Variants in CA10 observed in about 807,000 individuals in gnomAD.
CA10 encodes carbonic anhydrase-related protein 10.
In CA10, 14 loss-of-function variants were observed where a neutral mutation model predicts 44.2. That is an observed-to-expected ratio of 0.32 (90% confidence interval 0.21 to 0.50). The LOEUF (loss-of-function observed/expected upper bound fraction) is 0.50. CA10 is among the 20% of genes least tolerant of loss of function. CA10 has a pLI of 0.99. For synonymous variants in CA10, 159 were observed against 141.6 expected (o/e 1.12, Z -0.87); for missense variants, 350 against 409.7 (o/e 0.85, Z 1.26).
At chr17:51,790,472 A>G (rs1487406760) in intron 3 of CA10, among the ~76,000 whole-genome samples, 2 of 152,190 alleles carry the variant, frequency 1.3e-5, no homozygotes, top group Non-Finnish European at 2.9e-5. Context: ...CTGACCTGTC[A>G]CTTTCCCAGT....
chr17:51,748,552 A>ACTTCT (rs1904788954), intron 3 of CA10: 121 of 169,458 alleles, frequency 7.1e-4, no homozygotes, highest in Non-Finnish European at 9.0e-4. Context: ...TGTGACCTCA[A>ACTTCT]CAACAATTGA....
intron 2 of CA10, among the ~76,000 whole-genome samples, chr17:51,965,632 T>TAAAAAGCCTTTTATAAA (rs1481810462): frequency 6.6e-6 from 1 of 151,826 alleles, no homozygotes; most frequent in Non-Finnish European, 1.5e-5. Flanking sequence ...AATAGATGCA[T>TAAAAAGCCTTTTATAAA]AAAAAGCCTT....
At chr17:51,819,053 G>A (rs1907671711) in intron 3 of CA10, among the ~76,000 whole-genome samples, 1 of 152,078 alleles carries the variant, frequency 6.6e-6, no homozygotes, top group South Asian at 2.1e-4. Context: ...CCATAAAAAG[G>A]ATGCTAAAAA....
chr17:51,862,800 G>C (rs1417415585), intron 3 of CA10, among the ~76,000 whole-genome samples: 1 of 151,782 alleles, frequency 6.6e-6, no homozygotes, highest in Non-Finnish European at 1.5e-5. Context: ...GGCGGGGACG[G>C]GGGAAGTTGG....
At chr17:52,099,509 T>G (rs1483613521) in intron 1 of CA10, among the ~76,000 whole-genome samples, 1 of 152,174 alleles carries the variant, frequency 6.6e-6, no homozygotes, top group Non-Finnish European at 1.5e-5. Flanking sequence ...TGGGGTCACT[T>G]ACTTGGTTGG....
At chr17:51,783,014 T>A (rs1906121020) in intron 3 of CA10, among the ~76,000 whole-genome samples, 1 of 152,228 alleles carries the variant, frequency 6.6e-6, no homozygotes, top group Non-Finnish European at 1.5e-5. Context: ...CCAGAGTTGA[T>A]TTCTGTTGCT....
intron 4 of CA10, among the ~76,000 whole-genome samples, chr17:51,707,671 A>ATGTGTGTGTG (rs3031847): frequency 0.026 from 3,655 of 142,936 alleles, 67 homozygotes; most frequent in African/African-American, 0.036. Context: ...GTGGATGAAT[A>ATGTGTGTGTG]TGTGTGTGTG....
Position 51,802,566 on chromosome 17 carries a change from A to G in CA10, c.280-54748T>C, listed in dbSNP as rs990825992. On this transcript the variant is annotated intron_variant, in intron 3 of 8. Coordinates refer to ENST00000451037, the MANE Select transcript of CA10 (RefSeq NM_020178.5). ...TTGGATCATTTGTGCCTGATGTCTG[A>G]AAAAAAAAAAAAAAAAAAAAAACAA... is the stretch of plus-strand genomic sequence containing the variant. 2.1e-3 allele frequency among the ~76,000 whole-genome samples: 64 copies of G among 29,786 alleles called. No homozygotes were observed. In the East Asian group the frequency reaches 0.099, roughly 46 times the overall value. 19.5% of individuals were successfully genotyped at this position (29,786 alleles called of 152,430 possible).
intron 3 of CA10, among the ~76,000 whole-genome samples, chr17:51,856,670 C>T (rs534108410): frequency 3.3e-5 from 5 of 152,300 alleles, no homozygotes; most frequent in African/African-American, 4.8e-5. Context: ...TTGATTCTCA[C>T]ATTCTCATGG....
chr17:52,107,784 A>G (rs924462616), intron 1 of CA10, among the ~76,000 whole-genome samples: 1 of 152,196 alleles, frequency 6.6e-6, no homozygotes, highest in Non-Finnish European at 1.5e-5. Context: ...TGGATTACCC[A>G]GTCCCTAGAC....
chr17:51,837,122 A>G (rs993530307), intron 3 of CA10, among the ~76,000 whole-genome samples: 2 of 152,036 alleles, frequency 1.3e-5, no homozygotes, highest in African/African-American at 4.8e-5. Context: ...ATGCACACAC[A>G]TACACACAAC....
intron 6 of CA10, among the ~76,000 whole-genome samples, chr17:51,639,831 T>C (rs546093687): frequency 6.6e-6 from 1 of 152,332 alleles, no homozygotes; most frequent in Admixed American, 6.5e-5. Flanking sequence ...GACCCACAGG[T>C]AACCCTCTGA....
intron 3 of CA10, among the ~76,000 whole-genome samples, chr17:51,758,902 G>A (rs1905143969): frequency 6.6e-6 from 1 of 152,180 alleles, no homozygotes; most frequent in Non-Finnish European, 1.5e-5. Context: ...CATATGGCCA[G>A]TGGGTTCAAG....
At chr17:51,752,607 T>A (rs1904926922) in intron 3 of CA10, among the ~76,000 whole-genome samples, 1 of 152,114 alleles carries the variant, frequency 6.6e-6, no homozygotes, top group East Asian at 1.9e-4. Context: ...CAAATGCAAG[T>A]GTCCTTGCTC....
chr17:52,072,539 CT>C (rs5820905), intron 1 of CA10, 146 bp from the exon 2 acceptor site: 283 of 378,252 alleles, frequency 7.5e-4, no homozygotes, highest in African/African-American at 1.1e-3. Flanking sequence ...TCTCCCTTCC[CT>C]TTTTTTTTTC....
chr17:51,904,690 C>T (rs1981466143), intron 3 of CA10, among the ~76,000 whole-genome samples: 2 of 152,190 alleles, frequency 1.3e-5, no homozygotes, highest in South Asian at 4.1e-4. Context: ...TAAGTTCATG[C>T]CCAAGAGGGT....
chr17:52,059,758 T>A (rs755055301), intron 2 of CA10, among the ~76,000 whole-genome samples: 1 of 152,064 alleles, frequency 6.6e-6, no homozygotes, highest in Admixed American at 6.6e-5. Flanking sequence ...CTACCTCCAA[T>A]GGAGAGAGTT....
Position 51,729,339 on chromosome 17 carries a change from T to C in CA10, c.465+18294A>G, listed in dbSNP as rs539289010. On this transcript the variant is annotated intron_variant, in intron 4 of 8. Transcript: ENST00000451037. ...CATCTTTTCAGATGCTTAAACTTTT[T>C]TGTGTGTGTGTGTGTATCACCACAC... Among the ~76,000 whole-genome samples, 188 of 152,086 alleles carry C rather than the reference T, an allele frequency of 1.2e-3. 5 individuals are homozygous for C. The East Asian group carries it at 0.036, about 29-fold the overall frequency.
intron 3 of CA10, among the ~76,000 whole-genome samples, chr17:51,878,870 A>G (rs1178815586): frequency 2.3e-4 from 5 of 21,620 alleles, no homozygotes; most frequent in African/African-American, 3.1e-4. Context: ...ATATATATAT[A>G]TATATATATA....
Sources: gnomAD v4.1 joint callset for allele counts (sites outside exome capture counted in the v4.1 genomes callset) on GRCh38, gnomAD v4.1.1 for gene constraint, MANE v1.5 for transcripts, NCBI Gene and HGNC (gene_info 2026-07-23, HGNC 2026-07-21) for gene names.